The following GRIK1 variants were observed in gnomAD, a reference collection of about 807,000 sequenced individuals.
The protein encoded by GRIK1 is glutamate ionotropic receptor kainate type subunit 1.
In GRIK1, 69 loss-of-function variants were observed where a neutral mutation model predicts 105.7. The observed-to-expected ratio is 0.65, with a 90% CI of 0.54 to 0.80. GRIK1 has a LOEUF of 0.80. Among genes scored for constraint, GRIK1 ranks in the 30% least tolerant of loss-of-function variants. The probability of loss-of-function intolerance (pLI) is 0.00; values close to 1 mark genes in which losing one functional copy is unlikely to be tolerated. For synonymous variants in GRIK1, 438 were observed against 431.3 expected (o/e 1.02, Z -0.19); for missense variants, 1,109 against 1,167.3 (o/e 0.95, Z 0.73).
chr21:29,939,686 G>A lies in GRIK1; in HGVS notation c.-186C>T. On this transcript the variant is annotated 5_prime_UTR_variant, in exon 1 of 18. Transcript: ENST00000327783. The stretch of plus-strand genomic sequence containing the variant: ...CCGCGGAGCTGGCTGGCAAGGCTGA[G>A]CTCTCTCGGGGCTCCTCAGTGCTGT... 3 of 516,490 alleles carry A rather than the reference G, an allele frequency of 5.8e-6. No individual in the cohort carries two copies. In the South Asian group the frequency reaches 8.1e-5, roughly 14 times the overall value. 32.0% of individuals were successfully genotyped at this position (516,490 alleles called of 1,614,324 possible).
intron 14 of GRIK1, among the ~76,000 whole-genome samples, chr21:29,564,725 T>A (rs573839039): frequency 6.6e-6 from 1 of 152,350 alleles, no homozygotes; most frequent in Admixed American, 6.5e-5. Context: ...ATGTAGGTCA[T>A]ACCACCTGTG....
chr21:29,818,838 T>C (rs897863287), intron 1 of GRIK1, among the ~76,000 whole-genome samples: 1 of 151,886 alleles, frequency 6.6e-6, no homozygotes, highest in African/African-American at 2.4e-5. Flanking sequence ...TCTGACCTCA[T>C]CTTAATTCTG....
intron 3 of GRIK1, among the ~76,000 whole-genome samples, chr21:29,686,000 AG>A (rs1399671183): frequency 6.6e-6 from 1 of 152,338 alleles, no homozygotes; most frequent in East Asian, 1.9e-4. Flanking sequence ...CTGCACAGAG[AG>A]GCTAAGAAGA....
At chr21:29,579,237 C>T (rs1469943948) in intron 13 of GRIK1, among the ~76,000 whole-genome samples, 13 of 152,132 alleles carry the variant, frequency 8.5e-5, no homozygotes, top group Admixed American at 8.5e-4. Context: ...TTAGACTTCT[C>T]AATGTTTCTT....
chr21:29,711,659 T>C (rs2064053288), intron 1 of GRIK1, among the ~76,000 whole-genome samples: 1 of 152,234 alleles, frequency 6.6e-6, no homozygotes, highest in South Asian at 2.1e-4. Flanking sequence ...ATTTACACTT[T>C]AAAAAAATTT....
At chr21:29,882,229 C>T (rs2146187256) in intron 1 of GRIK1, among the ~76,000 whole-genome samples, 1 of 152,234 alleles carries the variant, frequency 6.6e-6, no homozygotes, top group East Asian at 1.9e-4. Flanking sequence ...TCATTTCTAT[C>T]CTCCACATTC....
At chr21:29,939,336 C>T in intron 1 of GRIK1, 47 bp downstream of exon 1, 2 of 1,131,890 alleles carry the variant, frequency 1.8e-6, no homozygotes, top group Non-Finnish European at 2.6e-6. Context: ...CGCGTTGGTG[C>T]GGCGACCGAC....
chr21:29,625,790 C>G (rs1007193585), intron 7 of GRIK1, among the ~76,000 whole-genome samples: 3 of 152,180 alleles, frequency 2.0e-5, no homozygotes, highest in Non-Finnish European at 2.9e-5. Flanking sequence ...CATAGTATAT[C>G]TTGCTCAATA....
intron 9 of GRIK1, among the ~76,000 whole-genome samples, chr21:29,594,919 A>C (rs1568862400): frequency 6.6e-6 from 1 of 152,218 alleles, no homozygotes; most frequent in African/African-American, 2.4e-5. Context: ...TTCTAAAATA[A>C]GTCAGAGTAC....
intron 1 of GRIK1, among the ~76,000 whole-genome samples, chr21:29,782,102 T>TC (rs1430016189): frequency 1.3e-5 from 2 of 149,366 alleles, no homozygotes; most frequent in Non-Finnish European, 3.0e-5. Context: ...TTTTTTTTTT[T>TC]CTGAGACGGA....
At chr21:29,934,016 A>T (rs1384710764) in intron 1 of GRIK1, among the ~76,000 whole-genome samples, 1 of 127,390 alleles carries the variant, frequency 7.8e-6, no homozygotes, top group Non-Finnish European at 1.7e-5. Context: ...CCTATGTTAT[A>T]TGGATAATTA....
chr21:29,687,732 C>T (rs3026002), intron 3 of GRIK1, among the ~76,000 whole-genome samples: 2,421 of 152,302 alleles, frequency 0.016, 63 homozygotes, highest in African/African-American at 0.053. Context: ...GCTCACCTGA[C>T]ATCAGAGAGT....
At chr21:29,698,755 C>A (rs1331143698) in intron 1 of GRIK1, among the ~76,000 whole-genome samples, 1 of 152,040 alleles carries the variant, frequency 6.6e-6, no homozygotes, top group African/African-American at 2.4e-5. Context: ...ATATCCACCT[C>A]CCCAGCCTCT....
At chr21:29,616,709 A>G (rs1404058022) in intron 7 of GRIK1, among the ~76,000 whole-genome samples, 1 of 152,238 alleles carries the variant, frequency 6.6e-6, no homozygotes, top group African/African-American at 2.4e-5. Flanking sequence ...TCAAAACTAC[A>G]AAAGACTTAA....
chr21:29,895,481 A>G (rs1366500602), intron 1 of GRIK1, among the ~76,000 whole-genome samples: 1 of 152,154 alleles, frequency 6.6e-6, no homozygotes, highest in East Asian at 1.9e-4. Context: ...GTACATAAAG[A>G]TTTTTTAATG....
chr21:29,599,647 A>G (rs905263294), intron 7 of GRIK1, among the ~76,000 whole-genome samples: 1 of 152,110 alleles, frequency 6.6e-6, no homozygotes, highest in Non-Finnish European at 1.5e-5. Flanking sequence ...TTGTGGTTGC[A>G]TCACTCCAAT....
chr21:29,835,552 A>G (rs2067772872), intron 1 of GRIK1, among the ~76,000 whole-genome samples: 1 of 152,190 alleles, frequency 6.6e-6, no homozygotes, highest in South Asian at 2.1e-4. Flanking sequence ...CCACAATCCC[A>G]TAATGCACAT....
intron 1 of GRIK1, among the ~76,000 whole-genome samples, chr21:29,934,021 T>C (rs2071663395): frequency 6.6e-6 from 1 of 152,212 alleles, no homozygotes; most frequent in Non-Finnish European, 1.5e-5. Flanking sequence ...GTTATATGGA[T>C]AATTATCAGT....
chr21:29,909,623 C>T (rs2070749517), intron 1 of GRIK1, among the ~76,000 whole-genome samples: 1 of 151,864 alleles, frequency 6.6e-6, no homozygotes. Context: ...ATTGTTGAAA[C>T]CTAAGCTAAG....
Sources: allele counts gnomAD v4.1 joint callset (sites outside exome capture counted in the v4.1 genomes callset), GRCh38; gene constraint gnomAD v4.1.1; transcripts MANE v1.5; gene names NCBI Gene and HGNC (gene_info 2026-07-23, HGNC 2026-07-21).